The following DZIP1L variants were observed in gnomAD, a reference collection of about 807,000 sequenced individuals.
The protein encoded by DZIP1L is DAZ interacting zinc finger protein 1 like, also known as cilium assembly protein DZIP1L.
Under a neutral mutation model 88.7 loss-of-function variants are expected in DZIP1L, and 90 were observed. That is an observed-to-expected ratio of 1.02 (90% CI 0.86 to 1.21). The LOEUF (loss-of-function observed/expected upper bound fraction) is 1.21, where lower values mean the gene tolerates loss of function less well. DZIP1L is among the 50% of genes most tolerant of loss of function. DZIP1L has a pLI of 0.00. For missense variants in DZIP1L, 932 were observed against 955.8 expected, an observed-to-expected ratio of 0.98 and a Z score of 0.33; for synonymous variants, 363 against 372.1, an observed-to-expected ratio of 0.98 and a Z score of 0.28.
chr3:138,074,499 C>T (rs1368641898), intron 11 of DZIP1L, among the ~76,000 whole-genome samples: 1 of 152,140 alleles, frequency 6.6e-6, no homozygotes, highest in Non-Finnish European at 1.5e-5. Context: ...CTTTTCCAGA[C>T]AAACAAATGC....
At position 138,063,251 on chromosome 3, in the gene DZIP1L, G is replaced by A. The variant is rs978236393; in HGVS notation, c.2143-274C>T. Among the ~76,000 whole-genome samples, 2 of 152,212 alleles carry A rather than the reference G, an allele frequency of 1.3e-5. No homozygotes were observed. Among genetic ancestry groups the A allele is most frequent in the Admixed American group, 6.5e-5 (1 of 15,288 alleles). ...TGCCTTGGAAAGGCCTATGTGCAGA[G>A]AAGGTTGCTCTCATTTTCACTTCAA... On this transcript the variant is annotated intron_variant, in intron 15 of 15. Coordinates refer to ENST00000327532, the MANE Select transcript of DZIP1L (RefSeq NM_173543.3). This position sits in a 1 kb window ranked among gnomAD's most constrained non-coding sequence, Gnocchi z 4.1.
At position 138,064,277 on chromosome 3, in the gene DZIP1L, G is replaced by A. The variant is rs996863984; in HGVS notation, c.2142+351C>T. The stretch of plus-strand genomic sequence containing the variant: ...GGTCCATGGCAGAGTGAGGGACTGG[G>A]GAGGAGCCCACTGTGGGATGAGACC... On this transcript the variant is annotated intron_variant, in intron 15 of 15. Transcript: ENST00000327532. 9.2e-6 allele frequency: 9 copies of A among 980,518 alleles called. No homozygotes were observed. The Admixed American group carries it at 2.6e-4, about 28-fold the overall frequency. 60.7% of individuals were successfully genotyped at this position (980,518 alleles called of 1,614,324 possible).
chr3:138,090,057 T>C (rs1365576134), intron 5 of DZIP1L, among the ~76,000 whole-genome samples: 1 of 151,898 alleles, frequency 6.6e-6, no homozygotes. Context: ...GGAGGATCAC[T>C]TGAGCCTGGG....
chr3:138,092,039 T>C (rs1336485371), intron 5 of DZIP1L, among the ~76,000 whole-genome samples: 1 of 152,210 alleles, frequency 6.6e-6, no homozygotes, highest in Non-Finnish European at 1.5e-5. Flanking sequence ...CCTGGAGATA[T>C]TACTATATAC....
At chr3:138,089,324 T>C in intron 5 of DZIP1L, 1 of 957,756 alleles carries the variant, frequency 1.0e-6, no homozygotes, top group Non-Finnish European at 1.2e-6. Flanking sequence ...TCCCGGGTTC[T>C]AATGTGTCAC....
intron 1 of DZIP1L, among the ~76,000 whole-genome samples, chr3:138,105,568 A>G (rs2042458018): frequency 6.6e-6 from 1 of 152,128 alleles, no homozygotes; most frequent in Middle Eastern, 3.2e-3. Context: ...TGTAAATGCT[A>G]TAAAAATAGC....
rs567830978 is a variant in DZIP1L, at chr3:138,097,988, AT to A, written c.502-142del. The A allele has an allele frequency of 2.1e-3, 1,441 of 687,586 alleles. 7 individuals are homozygous for A. Among genetic ancestry groups the A allele is most frequent in the Non-Finnish European group, 2.5e-3 (1,008 of 396,496 alleles). The allele number at this position is 687,586 out of a possible 1,614,324, so 42.6% of individuals were successfully genotyped here. On this transcript the variant is annotated intron_variant, in intron 2 of 15. Coordinates refer to ENST00000327532, the MANE Select transcript of DZIP1L (RefSeq NM_173543.3). The stretch of plus-strand genomic sequence containing the variant: ...AGAATTTAATTTACTGAGCAAGGCA[AT>A]GATGTCAGCCCATGCTGCCCACTAG...
chr3:138,093,900 A>C (rs1944351051), intron 4 of DZIP1L, among the ~76,000 whole-genome samples: 1 of 152,198 alleles, frequency 6.6e-6, no homozygotes, highest in Non-Finnish European at 1.5e-5. Context: ...TCTCAGTAAT[A>C]AGGCTGTTTC....
At chr3:138,088,729 A>G in intron 5 of DZIP1L, 1 of 1,220,192 alleles carries the variant, frequency 8.2e-7, no homozygotes, top group Non-Finnish European at 1.0e-6. Context: ...AATTCCATGG[A>G]AGAACAAATT....
rs2042393504 is a variant in DZIP1L at position 138,103,680 on chromosome 3, G to A, written c.292C>T (p.Leu98=). ...RLAQLIIEYL[L]HCQDCLSASV... is the part of the protein sequence containing the mutation. ...GCACTCAGGCAATCCTGGCAGTGCA[G>A]CAGGTACTCAATGATGAGCTGCGCC... Residue 98 remains leucine, a synonymous_variant, in exon 2 of 16, where the codon CTG becomes TTG. Coordinates refer to ENST00000327532, the MANE Select transcript of DZIP1L (RefSeq NM_173543.3). 5.6e-6 allele frequency: 9 copies of A among 1,610,874 alleles called. No homozygotes were observed. Among genetic ancestry groups the A allele is most frequent in the Non-Finnish European group, 7.6e-6 (9 of 1,179,814 alleles).
intron 1 of DZIP1L, among the ~76,000 whole-genome samples, chr3:138,109,509 T>C (rs1415066587): frequency 1.3e-5 from 2 of 152,182 alleles, no homozygotes; most frequent in Admixed American, 1.3e-4. Flanking sequence ...TACCACCATA[T>C]GGGAGTGTAA....
At position 138,094,956 on chromosome 3, in the gene DZIP1L, A is replaced by C; in HGVS notation, c.614T>G (p.Val205Gly). 6.2e-7 allele frequency: 1 copy of C among 1,614,140 alleles called. No homozygotes were observed. The highest frequency in any genetic ancestry group is 8.5e-7 in the Non-Finnish European group (1 of 1,180,032). ...GGKQKKQEQP[V>G]EEVLEELRAK... ...CCGTAGCTCTTCTAACACCTCTTCC[A>C]CTGGCTGTTCCTGTTTCTTCTGTTT... The change falls in exon 4 of 16, where the codon GTG becomes GGG. Residue 205 changes from valine (V) to glycine (G), a missense_variant. Coordinates refer to ENST00000327532, the MANE Select transcript of DZIP1L (RefSeq NM_173543.3).
intron 2 of DZIP1L, chr3:138,101,562 G>A (rs1326591079): frequency 8.7e-6 from 7 of 804,096 alleles, no homozygotes; most frequent in Admixed American, 1.7e-5. Flanking sequence ...TGGCCCTGGT[G>A]GAGCTGGTGC....
chr3:138,084,086 C>T (rs778110725), intron 8 of DZIP1L, 27 bp downstream of exon 8: 1 of 1,610,204 alleles, frequency 6.2e-7, no homozygotes, highest in African/African-American at 1.3e-5. Flanking sequence ...GACACCAAGG[C>T]CTGGCTGAAA....
chr3:138,113,530 C>T (rs111296466), intron 1 of DZIP1L: 4 of 152,284 alleles, frequency 2.6e-5, no homozygotes, highest in East Asian at 1.9e-4. Context: ...GGAGCTCAGG[C>T]GTGTCATTAA....
In DZIP1L at chr3:138,062,395, T is replaced by C. The variant is rs1014035837; in HGVS notation, c.*421A>G. On this transcript the variant is annotated 3_prime_UTR_variant, in exon 16 of 16. Transcript: ENST00000327532. Reference sequence around the variant, plus strand: ...GTAGGTAGGCACTCAGTAAATAATTTTGGATCAATCACTGAATGACTGACT... The same window carrying C: ...GTAGGTAGGCACTCAGTAAATAATTCTGGATCAATCACTGAATGACTGACT... 2 of 163,548 alleles carry C rather than the reference T, an allele frequency of 1.2e-5. No homozygotes were observed. Among genetic ancestry groups the C allele is most frequent in the Admixed American group, 1.1e-4 (2 of 17,516 alleles). 10.1% of individuals were successfully genotyped at this position (163,548 alleles called of 1,614,324 possible).
In DZIP1L at chr3:138,102,228, T is replaced by C. The variant is rs1189090040; in HGVS notation, c.501+1243A>G. On this transcript the variant is annotated intron_variant, in intron 2 of 15. Coordinates refer to ENST00000327532, the MANE Select transcript of DZIP1L (RefSeq NM_173543.3). ...CTGGGACTGCAGCTCCCGGATCTCC[T>C]CTTCATACAGCTGCCTGAGGAAGTT... is the stretch of plus-strand genomic sequence containing the variant. 6 of 1,411,888 alleles carry C rather than the reference T, an allele frequency of 4.2e-6. No homozygotes were observed. In the Admixed American group the frequency reaches 8.4e-5, roughly 20 times the overall value. 87.5% of individuals were successfully genotyped at this position (1,411,888 alleles called of 1,614,324 possible).
intron 12 of DZIP1L, 51 bp from the exon 13 acceptor site, chr3:138,068,418 A>C (rs1559823929): frequency 4.9e-5 from 68 of 1,387,190 alleles, no homozygotes; most frequent in Non-Finnish European, 5.8e-5. Flanking sequence ...GCTGGATCTC[A>C]AGCCTAAGAG....
chr3:138,113,746 CT>C (rs1425857684), intron 1 of DZIP1L, among the ~76,000 whole-genome samples: 2 of 152,186 alleles, frequency 1.3e-5, no homozygotes, highest in Non-Finnish European at 2.9e-5. Context: ...CTCATGGGGG[CT>C]GCAGCGACTC....
Sources: gnomAD v4.1 joint callset for allele counts (sites outside exome capture counted in the v4.1 genomes callset) on GRCh38, gnomAD v4.1.1 for gene constraint, Gnocchi (gnomAD v3.1) non-coding constraint, MANE v1.5 for transcripts, NCBI Gene and HGNC (gene_info 2026-07-23, HGNC 2026-07-21) for gene names.